RGS3: variants seen among roughly 807,000 people sequenced by gnomAD.
RGS3 encodes regulator of G protein signaling 3.
A neutral mutation model predicts 132.6 loss-of-function variants in RGS3; 80 were observed. The observed-to-expected ratio is 0.60, with a 90% CI of 0.50 to 0.73. The LOEUF is 0.73. RGS3 is among the 30% of genes least tolerant of loss of function. The pLI, the probability that RGS3 is intolerant of heterozygous loss-of-function variation, is 0.00. For missense variants in RGS3, 1,382 were observed against 1,530.8 expected, an observed-to-expected ratio of 0.90 and a Z score of 1.62; for synonymous variants, 598 against 620.6, an observed-to-expected ratio of 0.96 and a Z score of 0.54.
At chr9:113,461,914 G>A (rs1829479820) in intron 2 of RGS3, 11 of 1,597,650 alleles carry the variant, frequency 6.9e-6, no homozygotes, top group African/African-American at 2.7e-5. Context: ...GCCTTCCTTT[G>A]CTGTTTCCTG....
intron 20 of RGS3, among the ~76,000 whole-genome samples, chr9:113,588,125 T>C (rs1377154505): frequency 6.6e-6 from 1 of 152,104 alleles, no homozygotes; most frequent in African/African-American, 2.4e-5. Context: ...CCTGCTTCCT[T>C]CCTCCCCTGC....
chr9:113,533,006 C>T (rs1832534242), intron 18 of RGS3, among the ~76,000 whole-genome samples: 1 of 152,170 alleles, frequency 6.6e-6, no homozygotes, highest in Non-Finnish European at 1.5e-5. Flanking sequence ...GGCAGCCTGA[C>T]CAGGTGATGA....
intron 17 of RGS3, among the ~76,000 whole-genome samples, chr9:113,526,122 G>A (rs778865545): frequency 6.6e-6 from 1 of 152,228 alleles, no homozygotes; most frequent in Non-Finnish European, 1.5e-5. Flanking sequence ...TGCCTCCCAG[G>A]TGGCCAGCGT....
intron 3 of RGS3, among the ~76,000 whole-genome samples, chr9:113,465,473 G>GTGTGTGTA (rs1428302390): frequency 6.6e-6 from 1 of 151,670 alleles, no homozygotes; most frequent in East Asian, 1.9e-4. Context: ...GTGTGTGTGT[G>GTGTGTGTA]TGTGTGTGCC....
intron 1 of RGS3, among the ~76,000 whole-genome samples, chr9:113,454,786 T>C (rs1829330465): frequency 2.0e-5 from 3 of 150,320 alleles, no homozygotes; most frequent in Admixed American, 2.0e-4. Flanking sequence ...TTCTATCTAA[T>C]ACCTCCTAAG....
At chr9:113,539,656 A>G (rs1035226267) in intron 19 of RGS3, among the ~76,000 whole-genome samples, 8 of 152,030 alleles carry the variant, frequency 5.3e-5, no homozygotes, top group African/African-American at 1.9e-4. Flanking sequence ...GCACCACCCA[A>G]ATGCCTCTCT....
In RGS3 at chr9:113,507,560, C is replaced by A; in HGVS notation, c.1359C>A (p.Thr453=). The A allele has an allele frequency of 6.4e-7, 1 of 1,572,822 alleles. No individual in the cohort carries two copies. Reference sequence around the variant, plus strand: ...TGGCCAAGCGCGGGGGCCAGCACACCCTGCCTGCACTGTCCCGTGCCACTG... The same window carrying A: ...TGGCCAAGCGCGGGGGCCAGCACACACTGCCTGCACTGTCCCGTGCCACTG... Residue 453 remains threonine, a synonymous_variant, in exon 13 of 25, where the codon ACC becomes ACA. Coordinates refer to ENST00000350696, the Ensembl canonical transcript of RGS3. This position sits in a 1 kb window ranked among gnomAD's most constrained non-coding sequence, Gnocchi z 5.0.
chr9:113,553,019 C>T (rs1833402257), intron 19 of RGS3, among the ~76,000 whole-genome samples: 2 of 152,092 alleles, frequency 1.3e-5, no homozygotes, highest in African/African-American at 4.8e-5. Context: ...AGCCCATTTC[C>T]AATCAATAAT....
At chr9:113,577,444 G>A (rs1340669805) in intron 19 of RGS3, among the ~76,000 whole-genome samples, 1 of 152,190 alleles carries the variant, frequency 6.6e-6, no homozygotes, top group Non-Finnish European at 1.5e-5. Context: ...GGGTGGTCAC[G>A]AAGGAAAAGG....
intron 16 of RGS3, among the ~76,000 whole-genome samples, chr9:113,520,343 T>C (rs1015850470): frequency 6.6e-6 from 1 of 152,238 alleles, no homozygotes; most frequent in Non-Finnish European, 1.5e-5. Context: ...GTGTGCCAGC[T>C]CTGGCCTTTC....
intron 16 of RGS3, among the ~76,000 whole-genome samples, chr9:113,520,021 C>G (rs1037010030): frequency 6.6e-6 from 1 of 152,200 alleles, no homozygotes; most frequent in Non-Finnish European, 1.5e-5. Flanking sequence ...TTGGTAAACT[C>G]TGCTCTTAGG....
chr9:113,507,536 G>T lies in RGS3; in HGVS notation c.1335G>T (p.Val445=), dbSNP rs780726563. 2 of 1,599,666 alleles carry T rather than the reference G, an allele frequency of 1.3e-6. No homozygotes were observed. Among genetic ancestry groups the T allele is most frequent in the South Asian group, 1.1e-5 (1 of 89,252 alleles). The change falls in exon 13 of 25, where the codon GTG becomes GTT. Residue 445 remains valine (V), a synonymous_variant. Coordinates refer to ENST00000350696, the Ensembl canonical transcript of RGS3. This position sits in a 1 kb window ranked among gnomAD's most constrained non-coding sequence, Gnocchi z 5.0. Reference sequence around the variant, plus strand: ...GCGGCTGGGAGCGCTACACCGAGGTGGCCAAGCGCGGGGGCCAGCACACCC... The same window carrying T: ...GCGGCTGGGAGCGCTACACCGAGGTTGCCAAGCGCGGGGGCCAGCACACCC...
At position 113,453,732 on chromosome 9, in the gene RGS3, C is replaced by T. The variant is rs1017647282; in HGVS notation, c.-12-6513C>T. Among the ~76,000 whole-genome samples the T allele has an allele frequency of 9.8e-4, 122 of 123,962 alleles. 2 individuals carry two copies. The highest frequency in any genetic ancestry group is 3.7e-3 in the African/African-American group (118 of 31,984). The allele number at this position is 123,962 out of a possible 152,430, so 81.3% of individuals were successfully genotyped here. ...ACTCATTATATGATTATATAATATACTCATTATATGATTATATAATATACT... is the reference window on the plus strand; with the variant it reads ...ACTCATTATATGATTATATAATATATTCATTATATGATTATATAATATACT... On this transcript the variant is annotated intron_variant, in intron 1 of 25. Coordinates refer to the RGS3 transcript ENST00000374140.
At chr9:113,540,911 G>A (rs915821471) in intron 19 of RGS3, among the ~76,000 whole-genome samples, 11 of 152,238 alleles carry the variant, frequency 7.2e-5, no homozygotes, top group African/African-American at 2.7e-4. Context: ...GCTTTGCAAA[G>A]TGGCATGCAA....
At chr9:113,534,786 T>A (rs796076244) in intron 18 of RGS3, among the ~76,000 whole-genome samples, 4 of 152,138 alleles carry the variant, frequency 2.6e-5, no homozygotes, top group African/African-American at 9.6e-5. Flanking sequence ...TAATTTTTTT[T>A]TAAAACTTTT....
rs1407441374 is a variant in RGS3 at position 113,553,458 on chromosome 9, A to AAAAG, written c.2037+16542_2037+16543insAGAA. On this transcript the variant is annotated intron_variant, in intron 19 of 24. Transcript: ENST00000350696. ...ACTCTGTTTAAAAAAAAAAAAAAAA[A>AAAAG]AATATATATATATATATATATATAT... 4.2e-5 allele frequency among the ~76,000 whole-genome samples: 4 copies of AAAAG among 95,462 alleles called. No individual in the cohort carries two copies. The East Asian group carries it at 9.0e-4, about 21-fold the overall frequency. 62.6% of individuals were successfully genotyped at this position (95,462 alleles called of 152,430 possible).
intron 3 of RGS3, among the ~76,000 whole-genome samples, chr9:113,475,783 T>G (rs1380271183): frequency 1.3e-5 from 2 of 151,276 alleles, no homozygotes; most frequent in Non-Finnish European, 3.0e-5. Context: ...GGAGGTTGGG[T>G]GGGGGGGGTG....
chr9:113,507,677 G>T lies in RGS3; in HGVS notation c.1437+39G>T. On this transcript the variant is annotated intron_variant, in intron 13 of 24. Transcript: ENST00000350696. The surrounding 1 kb of genome is among the most constrained non-coding windows in gnomAD (Gnocchi z 5.0). ...GTGTGGGGAAGGTGAAGGGTACTGG[G>T]TCCCTGTGGGAGGCCAGGAAGACTT... 1 of 1,415,406 alleles carries T rather than the reference G, an allele frequency of 7.1e-7. No homozygotes were observed. The highest frequency in any genetic ancestry group is 1.4e-5 in the African/African-American group (1 of 69,346). 87.7% of individuals were successfully genotyped at this position (1,415,406 alleles called of 1,614,324 possible). A position where few individuals can be genotyped will look rare whatever the true frequency, so the allele number is the denominator to read the frequency against.
At chr9:113,524,757 T>C (rs1376130789) in intron 17 of RGS3, among the ~76,000 whole-genome samples, 1 of 152,246 alleles carries the variant, frequency 6.6e-6, no homozygotes, top group African/African-American at 2.4e-5. Context: ...ACCCCAGAGC[T>C]TGCTGTGAGC....
Sources: allele counts gnomAD v4.1 joint callset (sites outside exome capture counted in the v4.1 genomes callset), GRCh38; gene constraint gnomAD v4.1.1; non-coding constraint Gnocchi (gnomAD v3.1); transcripts MANE v1.5; gene names NCBI Gene and HGNC (gene_info 2026-07-23, HGNC 2026-07-21).